GABRB1: variants seen among roughly 807,000 people sequenced by gnomAD.
The protein encoded by GABRB1 is gamma-aminobutyric acid receptor subunit beta-1.
Under a neutral mutation model 51.6 loss-of-function variants are expected in GABRB1, and 17 were observed. The observed-to-expected ratio is 0.33, with a 90% CI of 0.23 to 0.49. The LOEUF (loss-of-function observed/expected upper bound fraction) is 0.49, where lower values mean the gene tolerates loss of function less well. GABRB1 is among the 20% of genes least tolerant of loss of function. The pLI is 0.99. For synonymous variants in GABRB1, 247 were observed against 218.9 expected (o/e 1.13, Z -1.14); for missense variants, 410 against 600.6 (o/e 0.68, Z 3.32).
At chr4:47,264,279 C>G (rs141552438) in intron 4 of GABRB1, among the ~76,000 whole-genome samples, 6 of 152,142 alleles carry the variant, frequency 3.9e-5, no homozygotes, top group Non-Finnish European at 4.4e-5. Flanking sequence ...AGCAACTATC[C>G]TTCCCCCACC....
rs374136061 is a variant in GABRB1 at position 47,221,703 on chromosome 4, T to A, written c.461+60234T>A. Among the ~76,000 whole-genome samples, 4 of 152,184 alleles carry A rather than the reference T, an allele frequency of 2.6e-5. No individual in the cohort carries two copies. The East Asian group carries it at 5.8e-4, about 22-fold the overall frequency. Reference sequence around the variant, plus strand: ...GCAGGGTGAGTATCTGCCTCTCTCCTCTTGTGAGAATCTGCAGGGTGAATA... The same window carrying A: ...GCAGGGTGAGTATCTGCCTCTCTCCACTTGTGAGAATCTGCAGGGTGAATA... On this transcript the variant is annotated intron_variant, in intron 4 of 8. Coordinates refer to ENST00000295454, the MANE Select transcript of GABRB1 (RefSeq NM_000812.4).
intron 1 of GABRB1, among the ~76,000 whole-genome samples, chr4:47,002,266 G>C (rs1724254516): frequency 6.6e-6 from 1 of 152,268 alleles, no homozygotes; most frequent in South Asian, 2.1e-4. Context: ...TACTTTACAA[G>C]CTTTGGGTAA....
At chr4:47,053,838 A>G (rs968409465) in intron 3 of GABRB1, among the ~76,000 whole-genome samples, 2 of 152,222 alleles carry the variant, frequency 1.3e-5, no homozygotes, top group Admixed American at 6.5e-5. Flanking sequence ...CCCACAGGGT[A>G]AGAAACACAG....
At chr4:47,291,932 T>A (rs1723753804) in intron 4 of GABRB1, among the ~76,000 whole-genome samples, 1 of 152,174 alleles carries the variant, frequency 6.6e-6, no homozygotes, top group Non-Finnish European at 1.5e-5. Context: ...ACTTTTGAGT[T>A]AATGCTGAAA....
At chr4:47,296,289 C>T (rs1391214456) in intron 4 of GABRB1, among the ~76,000 whole-genome samples, 1 of 152,106 alleles carries the variant, frequency 6.6e-6, no homozygotes, top group Non-Finnish European at 1.5e-5. Context: ...GAGCTAAATG[C>T]TCCAATTAGA....
intron 5 of GABRB1, among the ~76,000 whole-genome samples, chr4:47,334,428 C>G (rs538101101): frequency 2.0e-5 from 3 of 152,156 alleles, no homozygotes; most frequent in Non-Finnish European, 4.4e-5. Flanking sequence ...GCAGAAAAGT[C>G]TTTTTCAAAT....
At chr4:47,147,866 G>A (rs919020226) in intron 3 of GABRB1, among the ~76,000 whole-genome samples, 7 of 152,112 alleles carry the variant, frequency 4.6e-5, no homozygotes, top group Admixed American at 2.6e-4. Flanking sequence ...TGACTGCAGA[G>A]ATAAGATAGA....
At chr4:47,039,794 T>A (rs1208638513) in intron 3 of GABRB1, among the ~76,000 whole-genome samples, 2 of 152,214 alleles carry the variant, frequency 1.3e-5, no homozygotes, top group Non-Finnish European at 2.9e-5. Flanking sequence ...TTCTGGGAAC[T>A]ACAGATAATT....
chr4:47,367,411 C>A (rs1367291856), intron 5 of GABRB1, among the ~76,000 whole-genome samples: 1 of 152,140 alleles, frequency 6.6e-6, no homozygotes, highest in Non-Finnish European at 1.5e-5. Context: ...AAAGTCAAAG[C>A]TTATTCTATC....
chr4:47,302,787 C>A (rs541630022), intron 4 of GABRB1, among the ~76,000 whole-genome samples: 2 of 151,990 alleles, frequency 1.3e-5, no homozygotes, highest in East Asian at 3.9e-4. Flanking sequence ...ACCAAAAGAG[C>A]CTTTCATTCA....
At chr4:47,221,534 A>G (rs1243081515) in intron 4 of GABRB1, among the ~76,000 whole-genome samples, 1 of 151,944 alleles carries the variant, frequency 6.6e-6, no homozygotes, top group Non-Finnish European at 1.5e-5. Context: ...CTTCTCATTG[A>G]AATAATATAG....
intron 5 of GABRB1, among the ~76,000 whole-genome samples, chr4:47,395,463 C>T (rs184978848): frequency 4.6e-5 from 7 of 152,284 alleles, no homozygotes; most frequent in Admixed American, 1.3e-4. Flanking sequence ...CACCTCTCAC[C>T]AGGCCCCTCC....
chr4:47,340,412 T>C (rs1192265940), intron 5 of GABRB1, among the ~76,000 whole-genome samples: 1 of 152,078 alleles, frequency 6.6e-6, no homozygotes, highest in Non-Finnish European at 1.5e-5. Flanking sequence ...CTTAGTCCAT[T>C]TGCGCTGGTA....
At chr4:47,336,203 T>G (rs1725691237) in intron 5 of GABRB1, among the ~76,000 whole-genome samples, 1 of 152,118 alleles carries the variant, frequency 6.6e-6, no homozygotes, top group South Asian at 2.1e-4. Flanking sequence ...AGAGGAGAGA[T>G]TCTATCTGGA....
chr4:47,241,278 A>C (rs1721509147), intron 4 of GABRB1, among the ~76,000 whole-genome samples: 1 of 152,168 alleles, frequency 6.6e-6, no homozygotes, highest in Admixed American at 6.5e-5. Flanking sequence ...CTTGGAGGAA[A>C]GGTGCTAAAA....
At chr4:47,087,925 CAACCTGGG>C (rs1156893144) in intron 3 of GABRB1, among the ~76,000 whole-genome samples, 10 of 152,108 alleles carry the variant, frequency 6.6e-5, no homozygotes, top group Non-Finnish European at 1.5e-5. Context: ...TGTTGTTTTG[CAACCTGGG>C]AACCTACTTA....
chr4:47,230,824 A>G (rs1721115947), intron 4 of GABRB1, among the ~76,000 whole-genome samples: 2 of 152,150 alleles, frequency 1.3e-5, no homozygotes, highest in Non-Finnish European at 2.9e-5. Context: ...AGGATTTGAT[A>G]AGACCCTCAA....
intron 5 of GABRB1, among the ~76,000 whole-genome samples, chr4:47,333,179 TA>T (rs1238748247): frequency 1.4e-5 from 2 of 143,586 alleles, no homozygotes; most frequent in African/African-American, 5.1e-5. Context: ...CATATATATT[TA>T]AAACCCATTT....
At chr4:47,099,437 TCA>T (rs1287653169) in intron 3 of GABRB1, among the ~76,000 whole-genome samples, 1 of 152,148 alleles carries the variant, frequency 6.6e-6, no homozygotes, top group Non-Finnish European at 1.5e-5. Context: ...AGGCAAGGTA[TCA>T]CTCTGTTCCT....
Sources: allele counts gnomAD v4.1 joint callset (sites outside exome capture counted in the v4.1 genomes callset), GRCh38; gene constraint gnomAD v4.1.1; transcripts MANE v1.5; gene names NCBI Gene and HGNC (gene_info 2026-07-23, HGNC 2026-07-21).